The following ASTN1 variants were observed in gnomAD, a reference collection of about 807,000 sequenced individuals.
ASTN1 encodes astrotactin-1.
In ASTN1, 41 loss-of-function variants were observed where a neutral mutation model predicts 140.7. That is an observed-to-expected ratio of 0.29 (90% CI 0.23 to 0.38). The LOEUF is 0.38. ASTN1 is among the 10% of genes least tolerant of loss of function. The pLI, the probability that ASTN1 is intolerant of heterozygous loss-of-function variation, is 1.00. For synonymous variants in ASTN1, 640 were observed against 652.2 expected (o/e 0.98, Z 0.29); for missense variants, 1,479 against 1,678.8 (o/e 0.88, Z 2.08).
rs1029405927 is a variant in ASTN1, at chr1:176,863,398, C to T, written c.*886G>A. 3.0e-6 allele frequency: 3 copies of T among 985,700 alleles called. No homozygotes were observed. In the African/African-American group the frequency reaches 5.2e-5, roughly 17 times the overall value. 61.1% of individuals were successfully genotyped at this position (985,700 alleles called of 1,614,324 possible). On this transcript the variant is annotated 3_prime_UTR_variant, in exon 23 of 23. Coordinates refer to ENST00000361833, the MANE Select transcript of ASTN1 (RefSeq NM_004319.3). Reference sequence around the variant, plus strand: ...GTGGGGGTTAAAGATAATCCAGGCACATGGATATATATTGGTAGGCTGGAG... The same window carrying T: ...GTGGGGGTTAAAGATAATCCAGGCATATGGATATATATTGGTAGGCTGGAG...
At chr1:176,881,520 G>C (rs1668798922) in intron 20 of ASTN1, among the ~76,000 whole-genome samples, 1 of 152,152 alleles carries the variant, frequency 6.6e-6, no homozygotes, top group Non-Finnish European at 1.5e-5. Context: ...CACTGAGTTT[G>C]AGATGCCTTA....
At chr1:176,987,307 A>G (rs1166941386) in intron 8 of ASTN1, among the ~76,000 whole-genome samples, 1 of 152,166 alleles carries the variant, frequency 6.6e-6, no homozygotes, top group Non-Finnish European at 1.5e-5. Context: ...GCCATGGCCA[A>G]TATATATATG....
At chr1:176,974,878 CTCGGCCTTTT>C (rs1673297322) in intron 8 of ASTN1, among the ~76,000 whole-genome samples, 2 of 152,148 alleles carry the variant, frequency 1.3e-5, no homozygotes, top group Admixed American at 1.3e-4. Flanking sequence ...TGTCATCACA[CTCGGCCTTTT>C]AGCCAACAAA....
intron 1 of ASTN1, among the ~76,000 whole-genome samples, chr1:177,082,346 C>A (rs1181393086): frequency 6.6e-6 from 1 of 152,140 alleles, no homozygotes. Flanking sequence ...GAGGGATGGG[C>A]TCCATGCTTT....
At chr1:176,939,138 G>A (rs968250057) in intron 14 of ASTN1, among the ~76,000 whole-genome samples, 1 of 151,782 alleles carries the variant, frequency 6.6e-6, no homozygotes, top group Non-Finnish European at 1.5e-5. Flanking sequence ...AGTTCTTTGA[G>A]AAAAGAGAAA....
chr1:177,094,227 G>C (rs1406005161), intron 1 of ASTN1, among the ~76,000 whole-genome samples: 1 of 152,176 alleles, frequency 6.6e-6, no homozygotes, highest in East Asian at 1.9e-4. Flanking sequence ...TAAGAAAATT[G>C]TGAATTCATA....
intron 8 of ASTN1, among the ~76,000 whole-genome samples, chr1:177,005,308 TA>T (rs1196646559): frequency 6.6e-6 from 1 of 152,172 alleles, no homozygotes; most frequent in African/African-American, 2.4e-5. Context: ...TGGCCATTAT[TA>T]AAAAGACAAA....
chr1:177,085,769 G>A (rs1002336360), intron 1 of ASTN1, among the ~76,000 whole-genome samples: 4 of 152,132 alleles, frequency 2.6e-5, no homozygotes, highest in African/African-American at 9.7e-5. Flanking sequence ...GTGGTTCCCT[G>A]GTTTTCTCCT....
intron 1 of ASTN1, among the ~76,000 whole-genome samples, chr1:177,132,909 A>G (rs768769570): frequency 5.9e-5 from 9 of 152,180 alleles, no homozygotes; most frequent in Non-Finnish European, 1.2e-4. Flanking sequence ...GGGGGTAAAA[A>G]CATGAGGGAG....
At chr1:177,003,760 C>T (rs1262518393) in intron 8 of ASTN1, among the ~76,000 whole-genome samples, 1 of 150,956 alleles carries the variant, frequency 6.6e-6, no homozygotes, top group African/African-American at 2.4e-5. Flanking sequence ...TGCAGTGAGC[C>T]AAGATTGCCC....
intron 4 of ASTN1, 44 bp from the exon 5 acceptor site, chr1:177,029,785 G>A (rs776742244): frequency 7.8e-6 from 12 of 1,543,250 alleles, no homozygotes; most frequent in Non-Finnish European, 1.1e-5. Flanking sequence ...TTCAGTTCTG[G>A]TTTCATGACA....
intron 1 of ASTN1, among the ~76,000 whole-genome samples, chr1:177,085,603 G>A (rs1679425917): frequency 1.3e-5 from 2 of 152,136 alleles, no homozygotes; most frequent in Admixed American, 1.3e-4. Context: ...GATGATCTGA[G>A]TGAACCTCAG....
chr1:177,131,225 T>A (rs1681923462), intron 1 of ASTN1, among the ~76,000 whole-genome samples: 1 of 152,208 alleles, frequency 6.6e-6, no homozygotes, highest in Non-Finnish European at 1.5e-5. Context: ...AACTTTAAAA[T>A]GCTCATACCC....
chr1:176,870,185 C>T (rs903340092), intron 21 of ASTN1, among the ~76,000 whole-genome samples: 1 of 152,204 alleles, frequency 6.6e-6, no homozygotes, highest in African/African-American at 2.4e-5. Context: ...ATTTTTCTCT[C>T]TAAACAGCTT....
chr1:176,999,203 A>C lies in ASTN1; in HGVS notation c.1523+15588T>G, dbSNP rs546385228. Among the ~76,000 whole-genome samples, 13 of 152,310 alleles carry C rather than the reference A, an allele frequency of 8.5e-5. No individual in the cohort carries two copies. In the South Asian group the frequency reaches 2.7e-3, roughly 32 times the overall value. On this transcript the variant is annotated intron_variant, in intron 8 of 22. Coordinates refer to ENST00000361833, the MANE Select transcript of ASTN1 (RefSeq NM_004319.3). ...ATGGAGACTGTGGAGGCAAAATCTCAACAGCTTTGCCTTCTCCAGAGAAAG... is the reference window on the plus strand; with the variant it reads ...ATGGAGACTGTGGAGGCAAAATCTCCACAGCTTTGCCTTCTCCAGAGAAAG...
At position 176,936,408 on chromosome 1, in the gene ASTN1, G is replaced by A. The variant is rs1671450423; in HGVS notation, c.2378-38C>T. ...GAGATGTAAGCTGAGTTCTGATACT[G>A]ATTCATAAGTTCCAAATCAAAAAGC... On this transcript the variant is annotated intron_variant, in intron 14 of 22. Coordinates refer to ENST00000361833, the MANE Select transcript of ASTN1 (RefSeq NM_004319.3). The A allele has an allele frequency of 2.0e-6, 3 of 1,528,748 alleles. No homozygotes were observed. In the African/African-American group the frequency reaches 4.1e-5, roughly 21 times the overall value. The allele number at this position is 1,528,748 out of a possible 1,614,324, so 94.7% of individuals were successfully genotyped here. A position where few individuals can be genotyped will look rare whatever the true frequency, so the allele number is the denominator to read the frequency against.
At chr1:176,996,911 C>T (rs1674481751) in intron 8 of ASTN1, among the ~76,000 whole-genome samples, 1 of 152,262 alleles carries the variant, frequency 6.6e-6, no homozygotes, top group Non-Finnish European at 1.5e-5. Flanking sequence ...AGACACAAAG[C>T]TTTAGAAGAG....
intron 1 of ASTN1, among the ~76,000 whole-genome samples, chr1:177,102,779 T>A (rs955980049): frequency 3.3e-5 from 5 of 152,212 alleles, no homozygotes; most frequent in Admixed American, 2.6e-4. Flanking sequence ...CCACCTTCAA[T>A]GTGTCTAATT....
chr1:176,982,932 A>G (rs1673692965), intron 8 of ASTN1, among the ~76,000 whole-genome samples: 1 of 152,156 alleles, frequency 6.6e-6, no homozygotes, highest in East Asian at 1.9e-4. Flanking sequence ...GAGGGATGGA[A>G]AAGGGCAGTG....
Sources: allele counts gnomAD v4.1 joint callset (sites outside exome capture counted in the v4.1 genomes callset), GRCh38; gene constraint gnomAD v4.1.1; transcripts MANE v1.5; gene names NCBI Gene and HGNC (gene_info 2026-07-23, HGNC 2026-07-21).